ATP5PF: variants seen among roughly 807,000 people sequenced by gnomAD.
The protein encoded by ATP5PF is ATP synthase peripheral stalk subunit F6, mitochondrial.
A neutral mutation model predicts 12.0 loss-of-function variants in ATP5PF; 7 were observed. The ratio of observed to expected loss-of-function variants is 0.58; its 90% CI spans 0.33 to 1.10. The LOEUF is 1.10. Ranked by LOEUF, ATP5PF falls within the 50% of genes least tolerant of loss-of-function variation. The pLI is 0.03. For missense variants in ATP5PF, 120 were observed against 127.7 expected (o/e 0.94, Z 0.29); for synonymous variants, 41 against 45.4 (o/e 0.90, Z 0.39).
At chr21:25,734,711 C>T (rs1440014205) in intron 1 of ATP5PF, 142 bp downstream of exon 1, 4 of 833,812 alleles carry the variant, frequency 4.8e-6, no homozygotes, top group Non-Finnish European at 7.3e-6. Context: ...TCAGCTGTGA[C>T]CCCGGGCCAG....
chr21:25,728,927 CT>C (rs1437110366), intron 2 of ATP5PF, among the ~76,000 whole-genome samples: 14 of 152,200 alleles, frequency 9.2e-5, no homozygotes, highest in African/African-American at 3.1e-4. Flanking sequence ...TAGCCAAGTG[CT>C]TTACACACAG....
intron 1 of ATP5PF, chr21:25,734,327 A>T: frequency 1.0e-6 from 1 of 986,154 alleles, no homozygotes; most frequent in Non-Finnish European, 1.2e-6. Flanking sequence ...TATAGTGATG[A>T]CTGACCGGCC....
intron 1 of ATP5PF, among the ~76,000 whole-genome samples, chr21:25,730,053 T>C (rs1443289498): frequency 2.0e-5 from 3 of 152,136 alleles, no homozygotes; most frequent in African/African-American, 4.8e-5. Flanking sequence ...GAGCACAAAA[T>C]GTGAGGTGAG....
At chr21:25,731,476 C>A (rs73338267) in intron 1 of ATP5PF, among the ~76,000 whole-genome samples, 1 of 151,846 alleles carries the variant, frequency 6.6e-6, no homozygotes, top group Non-Finnish European at 1.5e-5. Flanking sequence ...CCTCAGCCTC[C>A]TGGACTCATG....
At chr21:25,725,495 G>A (rs576211841) in intron 2 of ATP5PF, 145 bp from the exon 3 acceptor site, 27 of 898,512 alleles carry the variant, frequency 3.0e-5, no homozygotes, top group East Asian at 5.8e-5. Flanking sequence ...GCTGGAGTGC[G>A]GTAGCATGAT....
upstream of ATP5PF, chr21:25,735,218 A>T (rs769265937): frequency 1.7e-6 from 1 of 590,300 alleles, no homozygotes. Flanking sequence ...CCTCCGAGTC[A>T]GCGTCCTGTT....
chr21:25,729,630 C>G lies in ATP5PF; in HGVS notation c.164+1G>C, dbSNP rs1328876579. ...TACACTGTAGTTATTTATTCACTTA[C>G]TGTCGCTTAGATTTGTATTCTCTAA... On this transcript the variant is annotated splice_donor_variant, in intron 2 of 3. Transcript: ENST00000284971. LOFTEE classifies it high-confidence loss of function. The G allele has an allele frequency of 6.2e-7, 1 of 1,604,058 alleles. No individual in the cohort carries two copies. Among genetic ancestry groups the G allele is most frequent in the Non-Finnish European group, 8.5e-7 (1 of 1,174,812 alleles).
intron 1 of ATP5PF, among the ~76,000 whole-genome samples, chr21:25,730,647 T>C (rs911511553): frequency 8.2e-5 from 12 of 145,506 alleles, no homozygotes; most frequent in Middle Eastern, 7.4e-3. Context: ...GGCAGGAGAA[T>C]TGCTTGAACC....
Position 25,725,221 on chromosome 21 carries a change from C to T in ATP5PF, c.289+5G>A, listed in dbSNP as rs755853529. The stretch of plus-strand genomic sequence containing the variant: ...AAGAATGAATCTGTGATTTATAAGA[C>T]GTACCTTCAAATTTGAAGGTGGGAA... On this transcript the variant is annotated splice_donor_5th_base_variant and intron_variant, in intron 3 of 3. Transcript: ENST00000284971. 21 of 1,600,456 alleles carry T rather than the reference C, an allele frequency of 1.3e-5. No individual in the cohort carries two copies. Among genetic ancestry groups the T allele is most frequent in the South Asian group, 4.6e-5 (4 of 87,754 alleles).
upstream of ATP5PF, chr21:25,734,961 G>C: frequency 1.9e-6 from 3 of 1,571,494 alleles, no homozygotes; most frequent in Non-Finnish European, 2.6e-6. Context: ...TGCATTATGG[G>C]CCGCCGTTTC....
chr21:25,730,735 A>C (rs191455709), intron 1 of ATP5PF, among the ~76,000 whole-genome samples: 996 of 99,274 alleles, frequency 0.01, 22 homozygotes, highest in African/African-American at 0.046. Flanking sequence ...ACTCCGTCTC[A>C]CAAAAAAAAA....
intron 3 of ATP5PF, chr21:25,724,926 T>C: frequency 6.9e-6 from 4 of 583,770 alleles, no homozygotes; most frequent in Non-Finnish European, 1.2e-5. Context: ...TCCCCAAATG[T>C]CAGATGAGGA....
intron 2 of ATP5PF, among the ~76,000 whole-genome samples, chr21:25,727,671 A>T (rs2034653238): frequency 6.6e-6 from 1 of 152,174 alleles, no homozygotes; most frequent in Admixed American, 6.5e-5. Context: ...TACACCTAAG[A>T]ATTCACTTCT....
intron 1 of ATP5PF, among the ~76,000 whole-genome samples, chr21:25,730,336 G>A (rs1184230229): frequency 6.6e-6 from 1 of 152,190 alleles, no homozygotes; most frequent in Non-Finnish European, 1.5e-5. Flanking sequence ...AAGAAAAACA[G>A]CAGCCAGTCC....
chr21:25,734,820 A>G, intron 1 of ATP5PF, 33 bp downstream of exon 1: 1 of 1,525,006 alleles, frequency 6.6e-7, no homozygotes. Context: ...GAGTCCCAAA[A>G]GGCCACGCTG....
At chr21:25,734,535 G>T in intron 1 of ATP5PF, 1 of 498,844 alleles carries the variant, frequency 2.0e-6, no homozygotes, top group Non-Finnish European at 2.8e-6. Context: ...GGTAGGCCTG[G>T]CCGAAAATCT....
At chr21:25,725,073 G>T (rs2123436676) in intron 3 of ATP5PF, 153 bp downstream of exon 3, 4 of 1,012,508 alleles carry the variant, frequency 4.0e-6, no homozygotes, top group Non-Finnish European at 5.6e-6. Flanking sequence ...TATTCTAACA[G>T]CAAACATTTA....
chr21:25,725,216 T>C lies in ATP5PF; in HGVS notation c.289+10A>G. ...CCCACAAGAATGAATCTGTGATTTA[T>C]AAGACGTACCTTCAAATTTGAAGGT... On this transcript the variant is annotated intron_variant, in intron 3 of 3. Coordinates refer to ENST00000284971, the MANE Select transcript of ATP5PF (RefSeq NM_001003703.2). 1.3e-6 allele frequency: 2 copies of C among 1,597,410 alleles called. No individual in the cohort carries two copies. The highest frequency in any genetic ancestry group is 1.1e-5 in the South Asian group (1 of 87,248).
chr21:25,725,383 T>C, intron 2 of ATP5PF, 33 bp from the exon 3 acceptor site: 4 of 1,546,908 alleles, frequency 2.6e-6, no homozygotes, highest in South Asian at 2.4e-5. Flanking sequence ...AAAATTAATT[T>C]TGTGTACTAG....
Sources: gnomAD v4.1 joint callset for allele counts (sites outside exome capture counted in the v4.1 genomes callset) on GRCh38, gnomAD v4.1.1 for gene constraint, MANE v1.5 for transcripts, NCBI Gene and HGNC (gene_info 2026-07-23, HGNC 2026-07-21) for gene names.